DLG2: variants seen among roughly 807,000 people sequenced by gnomAD.
The protein encoded by DLG2 is disks large homolog 2.
A neutral mutation model predicts 132.5 loss-of-function variants in DLG2; 45 were observed. The ratio of observed to expected loss-of-function variants is 0.34; its 90% CI spans 0.27 to 0.44. The LOEUF is 0.44. Among genes scored for constraint, DLG2 ranks in the 20% least tolerant of loss-of-function variants. The pLI is 1.00. For missense variants in DLG2, 1,045 were observed against 1,196.9 expected (o/e 0.87, Z 1.87); for synonymous variants, 424 against 419.6 (o/e 1.01, Z -0.13).
At chr11:84,046,860 C>T (rs77108588) in intron 11 of DLG2, among the ~76,000 whole-genome samples, 2,732 of 151,628 alleles carry the variant, frequency 0.018, 77 homozygotes, top group South Asian at 0.061. Flanking sequence ...ATAAAGTACC[C>T]AAAGTATCTA....
chr11:84,319,689 G>A (rs143432373), intron 7 of DLG2, among the ~76,000 whole-genome samples: 19 of 152,202 alleles, frequency 1.2e-4, no homozygotes, highest in South Asian at 4.1e-4. Flanking sequence ...TTCAGAATGC[G>A]CAATTTCTTC....
At chr11:85,416,316 C>T (rs2089841240) in intron 3 of DLG2, among the ~76,000 whole-genome samples, 1 of 152,154 alleles carries the variant, frequency 6.6e-6, no homozygotes, top group South Asian at 2.1e-4. Context: ...TGTTTTGGTA[C>T]CAGTACCATG....
intron 7 of DLG2, among the ~76,000 whole-genome samples, chr11:84,339,913 T>G (rs2098506323): frequency 6.6e-6 from 1 of 152,188 alleles, no homozygotes; most frequent in Non-Finnish European, 1.5e-5. Context: ...CTTTAATTTC[T>G]TCAGTATCAG....
At chr11:85,294,705 A>C (rs2079112950) in intron 3 of DLG2, among the ~76,000 whole-genome samples, 1 of 152,168 alleles carries the variant, frequency 6.6e-6, no homozygotes, top group Non-Finnish European at 1.5e-5. Context: ...CAGTCTCATT[A>C]AATGTTGAAT....
chr11:84,661,737 C>T lies in DLG2; in HGVS notation c.358-127006G>A, dbSNP rs184659407. On this transcript the variant is annotated intron_variant, in intron 6 of 27. Transcript: ENST00000376104. ...GTTGAGGGAGGGAGATTCAGAGATT[C>T]AGAGAGACTGAGAGAGATGTCCCTC... Among the ~76,000 whole-genome samples, 5 of 152,174 alleles carry T rather than the reference C, an allele frequency of 3.3e-5. No homozygotes were observed. In the East Asian group the frequency reaches 7.8e-4, roughly 24 times the overall value.
At chr11:83,544,521 A>T (rs1456018657) in intron 19 of DLG2, among the ~76,000 whole-genome samples, 2 of 152,084 alleles carry the variant, frequency 1.3e-5, no homozygotes, top group Non-Finnish European at 2.9e-5. Flanking sequence ...GCTTAGTGGC[A>T]GCAACCTAGG....
chr11:84,321,367 C>G (rs544658000), intron 7 of DLG2, among the ~76,000 whole-genome samples: 23 of 152,254 alleles, frequency 1.5e-4, no homozygotes, highest in Middle Eastern at 3.4e-3. Context: ...CAATTATGAT[C>G]AGGTCCTTTA....
chr11:84,540,567 A>G (rs1383762730), intron 6 of DLG2, among the ~76,000 whole-genome samples: 1 of 152,170 alleles, frequency 6.6e-6, no homozygotes, highest in Non-Finnish European at 1.5e-5. Context: ...ATGTGGAGAA[A>G]TAGGAACACT....
At chr11:85,268,532 G>A (rs973966751) in intron 4 of DLG2, among the ~76,000 whole-genome samples, 18 of 152,166 alleles carry the variant, frequency 1.2e-4, no homozygotes, top group Non-Finnish European at 2.9e-5. Context: ...CTGTGTCACA[G>A]GTGCATGTCC....
At chr11:85,203,220 AT>A (rs2081598804) in intron 4 of DLG2, among the ~76,000 whole-genome samples, 1 of 151,696 alleles carries the variant, frequency 6.6e-6, no homozygotes, top group Admixed American at 6.6e-5. Flanking sequence ...TACTAAAAAA[AT>A]ACAAAAGATC....
intron 9 of DLG2, among the ~76,000 whole-genome samples, chr11:84,126,035 T>A (rs1414236878): frequency 6.6e-6 from 1 of 152,178 alleles, no homozygotes; most frequent in African/African-American, 2.4e-5. Context: ...AATTGCATTT[T>A]TACTTTGCCA....
chr11:83,873,351 A>G (rs2063840849), intron 16 of DLG2, among the ~76,000 whole-genome samples: 1 of 152,180 alleles, frequency 6.6e-6, no homozygotes, highest in Non-Finnish European at 1.5e-5. Flanking sequence ...TACTCCTACA[A>G]TTCCCACGTG....
At chr11:83,603,082 G>C (rs981155041) in intron 19 of DLG2, among the ~76,000 whole-genome samples, 2 of 151,988 alleles carry the variant, frequency 1.3e-5, no homozygotes, top group Admixed American at 1.3e-4. Context: ...TCGTGTGTGT[G>C]TGAATGAATG....
intron 19 of DLG2, among the ~76,000 whole-genome samples, chr11:83,619,492 T>C (rs1457271289): frequency 6.6e-6 from 1 of 152,180 alleles, no homozygotes; most frequent in Non-Finnish European, 1.5e-5. Flanking sequence ...TAAATATGGG[T>C]GATAACTTCA....
Position 83,721,249 on chromosome 11 carries a change from A to G in DLG2, c.1825+65441T>C, listed in dbSNP as rs77078986. Among the ~76,000 whole-genome samples the G allele has an allele frequency of 2.7e-4, 41 of 152,304 alleles. 1 individual carries two copies. In the East Asian group the frequency reaches 7.9e-3, roughly 29 times the overall value. On this transcript the variant is annotated intron_variant, in intron 18 of 27. Transcript: ENST00000376104. Reference sequence around the variant, plus strand: ...ACGTACAAGTTAATTAACTCATTTAACAGACCCTTACTATTGAGTAACTAC... The same window carrying G: ...ACGTACAAGTTAATTAACTCATTTAGCAGACCCTTACTATTGAGTAACTAC...
Position 85,011,299 on chromosome 11 carries a change from A to C in DLG2, c.357+100362T>G, listed in dbSNP as rs570808999. Among the ~76,000 whole-genome samples, 4 of 152,338 alleles carry C rather than the reference A, an allele frequency of 2.6e-5. No individual in the cohort carries two copies. The East Asian group carries it at 7.7e-4, about 29-fold the overall frequency. On this transcript the variant is annotated intron_variant, in intron 6 of 27. Coordinates refer to ENST00000376104, the MANE Select transcript of DLG2 (RefSeq NM_001142699.3). ...TAACAGACCTGCCTCTGAGAAAAAC[A>C]TACAGTAAAAATGAGACCCATTTTC...
chr11:84,092,079 C>A (rs907499749), intron 10 of DLG2, among the ~76,000 whole-genome samples: 1 of 152,204 alleles, frequency 6.6e-6, no homozygotes, highest in African/African-American at 2.4e-5. Flanking sequence ...TTGATTAAAT[C>A]AAAGTCAAAT....
intron 18 of DLG2, among the ~76,000 whole-genome samples, chr11:83,686,255 C>G (rs1275027962): frequency 6.6e-6 from 1 of 152,134 alleles, no homozygotes; most frequent in South Asian, 2.1e-4. Flanking sequence ...ATTCCATCTG[C>G]TCAAGTGTCT....
intron 14 of DLG2, among the ~76,000 whole-genome samples, chr11:83,961,572 G>A (rs1591895251): frequency 1.3e-5 from 2 of 151,882 alleles, no homozygotes; most frequent in East Asian, 3.9e-4. Flanking sequence ...GTTTTTCGGA[G>A]GATTAAATGG....
Sources: gnomAD v4.1 joint callset for allele counts (sites outside exome capture counted in the v4.1 genomes callset) on GRCh38, gnomAD v4.1.1 for gene constraint, MANE v1.5 for transcripts, NCBI Gene and HGNC (gene_info 2026-07-23, HGNC 2026-07-21) for gene names.